SLC39A11: variants seen among roughly 807,000 people sequenced by gnomAD.
The protein encoded by SLC39A11 is zinc transporter ZIP11.
Under a neutral mutation model 36.1 loss-of-function variants are expected in SLC39A11, and 33 were observed. The ratio of observed to expected loss-of-function variants is 0.91; its 90% CI spans 0.69 to 1.22. SLC39A11 has a LOEUF of 1.22. Ranked by LOEUF, SLC39A11 falls within the 50% of genes most tolerant of loss-of-function variation. The probability of loss-of-function intolerance (pLI) is 0.00; values close to 1 mark genes in which losing one functional copy is unlikely to be tolerated. For synonymous variants in SLC39A11, 166 were observed against 170.3 expected (o/e 0.97, Z 0.20); for missense variants, 432 against 430.3 (o/e 1.00, Z -0.03).
intron 6 of SLC39A11, among the ~76,000 whole-genome samples, chr17:72,776,894 G>A (rs1330546267): frequency 3.9e-5 from 6 of 152,068 alleles, no homozygotes; most frequent in Non-Finnish European, 5.9e-5. Flanking sequence ...TGCCTTAACC[G>A]GAGCAGTCAC....
In SLC39A11 at chr17:73,057,900, G is replaced by C. The variant is rs143490105; in HGVS notation, c.148-26186C>G. On this transcript the variant is annotated intron_variant, in intron 3 of 9. Transcript: ENST00000255559. ...TGCAGTGAGCCAAGATCGTGCCACT[G>C]CACTCCAGCCTGGGGGACAGAGCAA... 5.5e-3 allele frequency among the ~76,000 whole-genome samples: 837 copies of C among 152,244 alleles called. 12 individuals carry two copies. The highest frequency in any genetic ancestry group is 0.019 in the African/African-American group (799 of 41,538).
rs117536975 is a variant in SLC39A11, at chr17:72,939,512, T to C, written c.430+8240A>G. Among the ~76,000 whole-genome samples, 3 of 150,998 alleles carry C rather than the reference T, an allele frequency of 2.0e-5. No homozygotes were observed. In the East Asian group the frequency reaches 5.9e-4, roughly 29 times the overall value. ...AGAAATTGGGTCTTTGCAGATGTAA[T>C]TAGTTAAGAAGCAGTCATACAGGAT... On this transcript the variant is annotated intron_variant, in intron 5 of 9. Coordinates refer to ENST00000255559, the MANE Select transcript of SLC39A11 (RefSeq NM_139177.4).
chr17:73,029,221 T>C (rs2058664955), intron 4 of SLC39A11, among the ~76,000 whole-genome samples: 1 of 151,966 alleles, frequency 6.6e-6, no homozygotes, highest in South Asian at 2.1e-4. Context: ...CAAATACATC[T>C]GATACCGCCC....
chr17:72,894,700 C>G (rs1567900443), intron 5 of SLC39A11, among the ~76,000 whole-genome samples: 1 of 149,912 alleles, frequency 6.7e-6, no homozygotes, highest in Admixed American at 6.7e-5. Context: ...CTAGAGGGAA[C>G]CTAGAAGGAG....
intron 3 of SLC39A11, among the ~76,000 whole-genome samples, chr17:73,076,201 A>G (rs2060315576): frequency 6.6e-6 from 1 of 151,948 alleles, no homozygotes; most frequent in Non-Finnish European, 1.5e-5. Context: ...TGCTGATGAG[A>G]GAAAGACAAT....
intron 3 of SLC39A11, among the ~76,000 whole-genome samples, chr17:73,038,565 G>A (rs1167332110): frequency 6.7e-6 from 1 of 150,020 alleles, no homozygotes. Context: ...AAAATAGCCA[G>A]ACATGGTGGT....
At position 73,001,346 on chromosome 17, in the gene SLC39A11, C is replaced by G. The variant is rs114531938; in HGVS notation, c.306+30210G>C. ...GAACTAGAACCTGACTGATAGATATCAGCCTTAAGAAAAAGTTGTATACAC... is the reference window on the plus strand; with the variant it reads ...GAACTAGAACCTGACTGATAGATATGAGCCTTAAGAAAAAGTTGTATACAC... On this transcript the variant is annotated intron_variant, in intron 4 of 9. Transcript: ENST00000255559. Among the ~76,000 whole-genome samples the G allele has an allele frequency of 4.8e-3, 662 of 138,424 alleles. 4 individuals carry two copies. The highest frequency in any genetic ancestry group is 0.017 in the African/African-American group (609 of 36,586). 90.8% of individuals were successfully genotyped at this position (138,424 alleles called of 152,430 possible).
intron 6 of SLC39A11, among the ~76,000 whole-genome samples, chr17:72,798,172 G>T (rs1200369278): frequency 2.6e-5 from 4 of 152,052 alleles, no homozygotes; most frequent in Non-Finnish European, 4.4e-5. Flanking sequence ...AGTGTGAAAT[G>T]CCCCAGTATA....
intron 6 of SLC39A11, among the ~76,000 whole-genome samples, chr17:72,783,584 G>A (rs2076397205): frequency 6.6e-6 from 1 of 152,240 alleles, no homozygotes; most frequent in Non-Finnish European, 1.5e-5. Context: ...CAGAACAGAG[G>A]AGAGAAGCTT....
intron 9 of SLC39A11, among the ~76,000 whole-genome samples, chr17:72,648,340 A>G (rs1255510665): frequency 1.7e-5 from 2 of 117,034 alleles, no homozygotes; most frequent in African/African-American, 5.7e-5. Flanking sequence ...TAAAAAAAAA[A>G]AAAAAAAGAA....
At chr17:72,805,544 G>A (rs1055675469) in intron 6 of SLC39A11, among the ~76,000 whole-genome samples, 1 of 152,134 alleles carries the variant, frequency 6.6e-6, no homozygotes, top group African/African-American at 2.4e-5. Context: ...ACTCAGGAGT[G>A]CGGGAGGCCT....
At chr17:72,670,253 C>G (rs1052095873) in intron 7 of SLC39A11, among the ~76,000 whole-genome samples, 1 of 150,870 alleles carries the variant, frequency 6.6e-6, no homozygotes, top group African/African-American at 2.4e-5. Flanking sequence ...CATCTGTGGT[C>G]CCAGTTACTC....
At chr17:73,022,125 G>A (rs2058372403) in intron 4 of SLC39A11, among the ~76,000 whole-genome samples, 1 of 152,250 alleles carries the variant, frequency 6.6e-6, no homozygotes, top group African/African-American at 2.4e-5. Flanking sequence ...AGCAAGGACT[G>A]TGTACACAGC....
chr17:72,874,260 C>G (rs2080785203), intron 5 of SLC39A11, among the ~76,000 whole-genome samples: 1 of 152,156 alleles, frequency 6.6e-6, no homozygotes, highest in South Asian at 2.1e-4. Flanking sequence ...AAGTAATCAC[C>G]TGGGACTGGT....
chr17:72,731,537 C>T (rs972902814), intron 7 of SLC39A11, among the ~76,000 whole-genome samples: 1 of 29,020 alleles, frequency 3.4e-5, no homozygotes, highest in Non-Finnish European at 6.7e-5. Flanking sequence ...CAACCTTATG[C>T]AGTTTTTTTT....
chr17:72,850,246 C>T (rs1193334748), intron 5 of SLC39A11, among the ~76,000 whole-genome samples: 1 of 151,328 alleles, frequency 6.6e-6, no homozygotes, highest in African/African-American at 2.4e-5. Context: ...CCCAGGAGTT[C>T]GAGACCAGCC....
chr17:72,650,283 T>C (rs1257675441), intron 7 of SLC39A11, among the ~76,000 whole-genome samples: 1 of 152,174 alleles, frequency 6.6e-6, no homozygotes, highest in African/African-American at 2.4e-5. Context: ...GAAGCTGCTT[T>C]CTGCACAAAC....
At chr17:72,651,888 C>G (rs1159478671) in intron 7 of SLC39A11, among the ~76,000 whole-genome samples, 1 of 152,320 alleles carries the variant, frequency 6.6e-6, no homozygotes, top group South Asian at 2.1e-4. Flanking sequence ...CTGCATCACT[C>G]AGCATTTCCC....
intron 2 of SLC39A11, 77 bp from the exon 3 acceptor site, chr17:73,084,923 G>T: frequency 6.7e-7 from 1 of 1,494,512 alleles, no homozygotes; most frequent in Non-Finnish European, 9.3e-7. Context: ...GAAACCATAA[G>T]GCCCAAAAGA....
Sources: allele counts gnomAD v4.1 joint callset (sites outside exome capture counted in the v4.1 genomes callset), GRCh38; gene constraint gnomAD v4.1.1; transcripts MANE v1.5; gene names NCBI Gene and HGNC (gene_info 2026-07-23, HGNC 2026-07-21).